Variants in AFF1 observed in about 807,000 individuals in gnomAD.
AFF1 encodes AF4/FMR2 family member 1.
A neutral mutation model predicts 121.7 loss-of-function variants in AFF1; 48 were observed. The ratio of observed to expected loss-of-function variants is 0.39; its 90% CI spans 0.31 to 0.50. The LOEUF (loss-of-function observed/expected upper bound fraction) is 0.50, where lower values mean the gene tolerates loss of function less well. Ranked by LOEUF, AFF1 falls within the 20% of genes least tolerant of loss-of-function variation. The pLI is 0.76. For synonymous variants in AFF1, 613 were observed against 563.0 expected (o/e 1.09, Z -1.26); for missense variants, 1,523 against 1,511.7 (o/e 1.01, Z -0.12).
At chr4:86,998,571 A>G (rs1000126237) in intron 2 of AFF1, among the ~76,000 whole-genome samples, 1 of 152,218 alleles carries the variant, frequency 6.6e-6, no homozygotes, top group Non-Finnish European at 1.5e-5. Context: ...TTTTGAATAC[A>G]CATTTCATTC....
Position 87,140,021 on chromosome 4 carries a change from T to C in AFF1, c.*4320T>C, listed in dbSNP as rs1446987069. On this transcript the variant is annotated 3_prime_UTR_variant, in exon 21 of 21. Transcript: ENST00000395146. ...CTGAACGTCAGAGATCAGCAGGCAC[T>C]GTACTGGGTAGAGAAGTGCCTATAC... 1 of 205,288 alleles carries C rather than the reference T, an allele frequency of 4.9e-6. No homozygotes were observed. Among genetic ancestry groups the C allele is most frequent in the Non-Finnish European group, 1.0e-5 (1 of 100,282 alleles). 12.7% of individuals were successfully genotyped at this position (205,288 alleles called of 1,614,324 possible). A position where few individuals can be genotyped will look rare whatever the true frequency, so the allele number is the denominator to read the frequency against.
intron 2 of AFF1, among the ~76,000 whole-genome samples, chr4:87,035,649 G>A (rs2149590803): frequency 6.6e-6 from 1 of 152,218 alleles, no homozygotes; most frequent in East Asian, 1.9e-4. Context: ...ACAAGATCAG[G>A]TTTATGATTT....
Position 87,114,826 on chromosome 4 carries a change from G to A in AFF1, c.1993G>A (p.Glu665Lys), listed in dbSNP as rs759273880. The A allele has an allele frequency of 1.2e-5, 19 of 1,613,754 alleles. No homozygotes were observed. Among genetic ancestry groups the A allele is most frequent in the East Asian group, 2.2e-5 (1 of 44,840 alleles). Residue 665 changes from glutamate (E) to lysine (K), a missense_variant, in exon 12 of 21, where the codon GAA (glutamate) becomes AAA (lysine). Glu to Lys is a moderately conservative substitution (Grantham distance 56). This residue lies in a region of AFF1 where 905 missense variants were observed against 842.5 expected (regional missense o/e 1.07). Coordinates refer to ENST00000395146, the MANE Select transcript of AFF1 (RefSeq NM_001166693.3). The part of the protein sequence containing the change: ...KGRPRAAASN[E>K]PKPAVPPSSE... The stretch of plus-strand genomic sequence containing the variant: ...ACGGCCCCGGGCCGCAGCAAGCAAC[G>A]AACCCAAGCCAGCAGTGCCCCCCTC...
At chr4:87,110,320 T>A (rs1020045800) in intron 11 of AFF1, among the ~76,000 whole-genome samples, 2 of 152,210 alleles carry the variant, frequency 1.3e-5, no homozygotes, top group Admixed American at 1.3e-4. Context: ...ACCTCAAGCA[T>A]TTATTCTTTG....
chr4:87,005,707 A>T (rs1334680847), intron 2 of AFF1, among the ~76,000 whole-genome samples: 3 of 152,234 alleles, frequency 2.0e-5, no homozygotes, highest in Non-Finnish European at 4.4e-5. Context: ...CCATTTTATC[A>T]CAAAGAACAT....
At chr4:87,058,896 A>G (rs1720437153) in intron 4 of AFF1, among the ~76,000 whole-genome samples, 1 of 152,020 alleles carries the variant, frequency 6.6e-6, no homozygotes, top group African/African-American at 2.4e-5. Context: ...ACTGTATTGG[A>G]TGAATTCGAG....
intron 2 of AFF1, among the ~76,000 whole-genome samples, chr4:86,972,352 G>A (rs189584864): frequency 1.7e-3 from 256 of 152,080 alleles, no homozygotes; most frequent in African/African-American, 5.9e-3. Context: ...ATCTAAGCCT[G>A]AACTGTCTAC....
chr4:87,102,757 C>G (rs1725548535), intron 8 of AFF1, among the ~76,000 whole-genome samples: 1 of 152,170 alleles, frequency 6.6e-6, no homozygotes, highest in Non-Finnish European at 1.5e-5. Context: ...ATTGAGCTTT[C>G]TGTTCTCTTG....
chr4:86,958,829 A>G (rs1376591080), intron 2 of AFF1, among the ~76,000 whole-genome samples: 3 of 152,252 alleles, frequency 2.0e-5, no homozygotes, highest in Non-Finnish European at 4.4e-5. Context: ...AATCCAGAGC[A>G]GCATTTACTC....
chr4:86,955,116 A>T (rs1002653119), intron 2 of AFF1, among the ~76,000 whole-genome samples: 2 of 152,220 alleles, frequency 1.3e-5, no homozygotes, highest in African/African-American at 2.4e-5. Flanking sequence ...AGATTTCCAG[A>T]TTAATAGCCT....
chr4:86,957,811 G>A (rs1721851217), intron 2 of AFF1, among the ~76,000 whole-genome samples: 1 of 151,988 alleles, frequency 6.6e-6, no homozygotes, highest in African/African-American at 2.4e-5. Flanking sequence ...CAAAGTGCTG[G>A]GATTACAGGC....
chr4:87,127,085 T>C lies in AFF1; in HGVS notation c.2871T>C (p.Ser957=), dbSNP rs369273468. 2 of 1,612,762 alleles carry C rather than the reference T, an allele frequency of 1.2e-6. No homozygotes were observed. Among genetic ancestry groups the C allele is most frequent in the African/African-American group, 1.3e-5 (1 of 74,822 alleles). Reference sequence around the variant, plus strand: ...TGCCTTCTTTGCCAAATGGTAACTCTAAACCAGGGAAGCCTCAAGTGAAGT... The same window carrying C: ...TGCCTTCTTTGCCAAATGGTAACTCCAAACCAGGGAAGCCTCAAGTGAAGT... ...FPVPSLPNGN[S]KPGKPQVKFD... Residue 957 remains serine (S), a synonymous_variant, in exon 15 of 21, where the codon TCT becomes TCC. Coordinates refer to ENST00000395146, the MANE Select transcript of AFF1 (RefSeq NM_001166693.3).
intron 2 of AFF1, among the ~76,000 whole-genome samples, chr4:86,960,640 G>A (rs1722083166): frequency 6.6e-6 from 1 of 152,142 alleles, no homozygotes; most frequent in South Asian, 2.1e-4. Context: ...GGTGTTGAAA[G>A]CAATGCTACT....
intron 4 of AFF1, among the ~76,000 whole-genome samples, chr4:87,068,331 T>C (rs1485208148): frequency 6.9e-6 from 1 of 145,880 alleles, no homozygotes. Context: ...ACATAATGCC[T>C]TGTGATAGAA....
In AFF1 at chr4:87,081,896, A is replaced by C. The variant is rs576678319; in HGVS notation, c.1060-2224A>C. On this transcript the variant is annotated intron_variant, in intron 4 of 20. Transcript: ENST00000395146. ...TTTCTTCAGTCCTGGTTCATCCAAC[A>C]TAACAAAACTCTTGGGGAAAAAAAA... 1.2e-4 allele frequency among the ~76,000 whole-genome samples: 19 copies of C among 152,332 alleles called. No homozygotes were observed. In the South Asian group the frequency reaches 3.9e-3, roughly 32 times the overall value.
At chr4:87,097,117 G>A (rs1014287748) in intron 8 of AFF1, among the ~76,000 whole-genome samples, 2 of 152,178 alleles carry the variant, frequency 1.3e-5, no homozygotes, top group African/African-American at 4.8e-5. Flanking sequence ...GTGATGGTTG[G>A]TTGTCAAGCC....
chr4:86,951,608 C>CTTTTTTGTTTTTTTTTTTTTTTTTTTTT (rs1344583304), intron 2 of AFF1, among the ~76,000 whole-genome samples: 1 of 111,062 alleles, frequency 9.0e-6, no homozygotes. Context: ...TTTTCTTTTT[C>CTTTTTTGTTTTTTTTTTTTTTTTTTTTT]TTTTTTCTTT....
At chr4:87,018,537 A>G (rs764232509) in intron 2 of AFF1, among the ~76,000 whole-genome samples, 2 of 152,186 alleles carry the variant, frequency 1.3e-5, no homozygotes, top group Admixed American at 6.5e-5. Context: ...TTTTTTTGAG[A>G]CAGAATTTTG....
At chr4:87,132,498 T>G in intron 19 of AFF1, 90 bp downstream of exon 19, 1 of 1,355,406 alleles carries the variant, frequency 7.4e-7, no homozygotes, top group Non-Finnish European at 9.9e-7. Flanking sequence ...TGCTTACATA[T>G]GTCACTTTGC....
Sources: allele counts gnomAD v4.1 joint callset (sites outside exome capture counted in the v4.1 genomes callset), GRCh38; gene constraint gnomAD v4.1.1; regional missense constraint gnomAD v4.1.1; transcripts MANE v1.5; gene names NCBI Gene and HGNC (gene_info 2026-07-23, HGNC 2026-07-21).